P3H2: variants seen among roughly 807,000 people sequenced by gnomAD.
P3H2 encodes the protein leprecan-like 1.
Under a neutral mutation model 87.0 loss-of-function variants are expected in P3H2, and 80 were observed. That is an observed-to-expected ratio of 0.92 (90% confidence interval 0.77 to 1.11). P3H2 has a LOEUF of 1.11. Ranked by LOEUF, P3H2 falls within the 50% of genes least tolerant of loss-of-function variation. The pLI, the probability that P3H2 is intolerant of heterozygous loss-of-function variation, is 0.00. For synonymous variants in P3H2, 367 were observed against 359.3 expected (o/e 1.02, Z -0.24); for missense variants, 1,001 against 923.9 (o/e 1.08, Z -1.08).
intron 1 of P3H2, among the ~76,000 whole-genome samples, chr3:190,047,702 C>T (rs555800782): frequency 6.6e-6 from 1 of 152,232 alleles, no homozygotes; most frequent in South Asian, 2.1e-4. Context: ...CATGTTCTCA[C>T]TCATATACAG....
At chr3:190,074,926 T>C (rs1421908609) in intron 1 of P3H2, among the ~76,000 whole-genome samples, 1 of 152,240 alleles carries the variant, frequency 6.6e-6, no homozygotes, top group Non-Finnish European at 1.5e-5. Context: ...CACTTCTTTT[T>C]GAAACTTCTT....
chr3:190,076,244 A>G (rs2108976311), intron 1 of P3H2, among the ~76,000 whole-genome samples: 1 of 152,178 alleles, frequency 6.6e-6, no homozygotes, highest in South Asian at 2.1e-4. Flanking sequence ...TAATTTTGAG[A>G]TATTTATGTG....
At chr3:190,040,490 T>C (rs1251254374) in intron 1 of P3H2, among the ~76,000 whole-genome samples, 1 of 152,208 alleles carries the variant, frequency 6.6e-6, no homozygotes, top group Non-Finnish European at 1.5e-5. Context: ...TGGAATCTGA[T>C]CTGACTGGTC....
intron 1 of P3H2, among the ~76,000 whole-genome samples, chr3:190,003,843 T>C (rs1267917537): frequency 6.6e-6 from 1 of 152,200 alleles, no homozygotes; most frequent in Non-Finnish European, 1.5e-5. Context: ...TGATGACTAA[T>C]GGTTACCGAA....
intron 8 of P3H2, among the ~76,000 whole-genome samples, chr3:189,977,466 G>A (rs1007994962): frequency 2.0e-5 from 3 of 152,110 alleles, no homozygotes; most frequent in Non-Finnish European, 4.4e-5. Flanking sequence ...GACTGAAACC[G>A]GTGAGAGATC....
chr3:190,034,958 C>A (rs971713562), intron 1 of P3H2, among the ~76,000 whole-genome samples: 4 of 150,896 alleles, frequency 2.7e-5, no homozygotes, highest in African/African-American at 9.7e-5. Flanking sequence ...AAGCGATTCT[C>A]CTGCCTCGGC....
intron 1 of P3H2, among the ~76,000 whole-genome samples, chr3:190,031,745 C>CAAAAA (rs3062146): frequency 4.6e-5 from 7 of 150,684 alleles, no homozygotes; most frequent in African/African-American, 1.5e-4. Flanking sequence ...GATAAATTTG[C>CAAAAA]AAAAAAAATG....
intron 13 of P3H2, among the ~76,000 whole-genome samples, chr3:189,970,601 T>C (rs890944299): frequency 1.3e-5 from 2 of 152,072 alleles, no homozygotes; most frequent in Admixed American, 6.6e-5. Flanking sequence ...AAATGATTAA[T>C]ATCTCAATTC....
intron 6 of P3H2, 116 bp downstream of exon 6, chr3:189,986,672 G>A (rs531934673): frequency 1.3e-6 from 1 of 757,252 alleles, no homozygotes; most frequent in South Asian, 1.5e-5. Context: ...ACCTCAAGGA[G>A]GGCATCGAAA....
At chr3:190,106,105 A>G (rs1382457379) in intron 1 of P3H2, among the ~76,000 whole-genome samples, 1 of 152,220 alleles carries the variant, frequency 6.6e-6, no homozygotes, top group African/African-American at 2.4e-5. Flanking sequence ...AAGAGATTTT[A>G]TCTATTAATA....
chr3:190,003,094 C>T (rs1429879156), intron 1 of P3H2, among the ~76,000 whole-genome samples: 3 of 152,120 alleles, frequency 2.0e-5, no homozygotes, highest in Non-Finnish European at 4.4e-5. Flanking sequence ...ATGGAAATGA[C>T]GTTTCTGAAG....
chr3:189,977,857 T>A (rs959437075), intron 8 of P3H2, among the ~76,000 whole-genome samples: 1 of 151,834 alleles, frequency 6.6e-6, no homozygotes, highest in Non-Finnish European at 1.5e-5. Flanking sequence ...CCATCCTCCC[T>A]CCTCAGCCTC....
At chr3:190,039,175 G>A (rs1725519935) in intron 1 of P3H2, among the ~76,000 whole-genome samples, 2 of 134,904 alleles carry the variant, frequency 1.5e-5, no homozygotes, top group South Asian at 5.1e-4. Context: ...GACAACAAAA[G>A]CGAAACTCCA....
chr3:190,033,149 A>C (rs1725310967), intron 1 of P3H2, among the ~76,000 whole-genome samples: 1 of 152,172 alleles, frequency 6.6e-6, no homozygotes, highest in African/African-American at 2.4e-5. Context: ...TGCTGATCCG[A>C]CAGGAGGCAG....
chr3:190,066,482 A>C (rs1423542612), intron 1 of P3H2, among the ~76,000 whole-genome samples: 2 of 151,978 alleles, frequency 1.3e-5, no homozygotes, highest in African/African-American at 4.8e-5. Context: ...TCAGGGACTC[A>C]GGGGGTAAGG....
chr3:190,108,554 T>G (rs956467585), intron 1 of P3H2, among the ~76,000 whole-genome samples: 1 of 152,224 alleles, frequency 6.6e-6, no homozygotes, highest in Non-Finnish European at 1.5e-5. Flanking sequence ...ATATTTAATT[T>G]CACTTTTTTG....
In P3H2 at chr3:189,971,896, T is replaced by G; in HGVS notation, c.1811A>C (p.Asp604Ala). Reference protein sequence around the residue: ...WKEPPAYTFRDYSALLYMNDD... With the variant: ...WKEPPAYTFRAYSALLYMNDD... ...AAGCAGGTTCTAGCTATACCTATAGTCTCGAAATGTGTAAGCAGGAGGCTC... is the reference window on the plus strand; with the variant it reads ...AAGCAGGTTCTAGCTATACCTATAGGCTCGAAATGTGTAAGCAGGAGGCTC... Residue 604 changes from aspartate to alanine, a missense_variant, in exon 12 of 15, where the codon GAC (aspartate) becomes GCC (alanine). Transcript: ENST00000319332. 6.3e-7 allele frequency: 1 copy of G among 1,587,514 alleles called. No individual in the cohort carries two copies. The highest frequency in any genetic ancestry group is 8.7e-7 in the Non-Finnish European group (1 of 1,155,672).
intron 1 of P3H2, among the ~76,000 whole-genome samples, chr3:190,010,659 C>A (rs1038033312): frequency 6.6e-6 from 1 of 152,142 alleles, no homozygotes; most frequent in Admixed American, 6.6e-5. Flanking sequence ...GGGCTTCTGG[C>A]CTCTAGAACA....
At chr3:190,049,844 T>A (rs1725923254) in intron 1 of P3H2, among the ~76,000 whole-genome samples, 1 of 152,188 alleles carries the variant, frequency 6.6e-6, no homozygotes, top group African/African-American at 2.4e-5. Context: ...GCATATTTGT[T>A]CCACGACATG....
Sources: allele counts gnomAD v4.1 joint callset (sites outside exome capture counted in the v4.1 genomes callset), GRCh38; gene constraint gnomAD v4.1.1; transcripts MANE v1.5; gene names NCBI Gene and HGNC (gene_info 2026-07-23, HGNC 2026-07-21).